The following YTHDC2 variants were observed in gnomAD, a reference collection of about 807,000 sequenced individuals.
YTHDC2 encodes YTH N6-methyladenosine RNA binding protein C2.
A neutral mutation model predicts 174.9 loss-of-function variants in YTHDC2; 45 were observed. The observed-to-expected ratio is 0.26, with a 90% CI of 0.20 to 0.33. The LOEUF (loss-of-function observed/expected upper bound fraction) is 0.33, where lower values mean the gene tolerates loss of function less well. Among genes scored for constraint, YTHDC2 ranks in the 10% least tolerant of loss-of-function variants. The probability of loss-of-function intolerance (pLI) is 1.00; values close to 1 mark genes in which losing one functional copy is unlikely to be tolerated. For missense variants in YTHDC2, 1,650 were observed against 1,723.7 expected (o/e 0.96, Z 0.76); for synonymous variants, 657 against 574.5 (o/e 1.14, Z -2.05).
At position 113,525,016 on chromosome 5, in the gene YTHDC2, A is replaced by C; in HGVS notation, c.314A>C (p.Lys105Thr). 2 of 1,608,314 alleles carry C rather than the reference A, an allele frequency of 1.2e-6. No homozygotes were observed. The highest frequency in any genetic ancestry group is 1.7e-6 in the Non-Finnish European group (2 of 1,178,114). Residue 105 changes from lysine (K) to threonine (T), a missense_variant, in exon 3 of 30, where the codon AAA (lysine) becomes ACA (threonine). This residue lies in a region of YTHDC2 where 304 missense variants were observed against 341.4 expected (regional missense o/e 0.89). Transcript: ENST00000161863. ...GANRYLTVKK[K>T]DGSETAHAMM... ...AATAGATACCTAACTGTGAAGAAGA[A>C]AGATGGATCAGAAACAGCTCATGCA...
intron 16 of YTHDC2, among the ~76,000 whole-genome samples, chr5:113,555,443 C>G (rs543632329): frequency 1.3e-5 from 2 of 152,192 alleles, no homozygotes; most frequent in East Asian, 3.9e-4. Context: ...AAATATTTCT[C>G]TACAATAAAT....
chr5:113,548,872 CAG>C, intron 11 of YTHDC2, 81 bp from the exon 12 acceptor site: 1 of 1,323,062 alleles, frequency 7.6e-7, no homozygotes, highest in Non-Finnish European at 1.0e-6. Context: ...TTTGAAAAGA[CAG>C]GGTCTTGATG....
Position 113,540,986 on chromosome 5 carries a change from C to T in YTHDC2, c.1229C>T (p.Thr410Ile), listed in dbSNP as rs372330082. 3 of 1,612,960 alleles carry T rather than the reference C, an allele frequency of 1.9e-6. No individual in the cohort carries two copies. ...EKQQEEKQQT[T>I]LTEWYSAQEN... is the part of the protein sequence containing the mutation. The stretch of plus-strand genomic sequence containing the variant: ...AATTTAGAAGAGAAACAACAAACCA[C>T]ACTTACAGAATGGTACTCAGCTCAA... The change falls in exon 9 of 30, where the codon ACA becomes ATA. Residue 410 changes from threonine (T) to isoleucine (I), a missense_variant. Coordinates refer to ENST00000161863, the MANE Select transcript of YTHDC2 (RefSeq NM_022828.5).
intron 6 of YTHDC2, among the ~76,000 whole-genome samples, chr5:113,535,105 G>T (rs981311785): frequency 3.3e-5 from 5 of 152,124 alleles, no homozygotes; most frequent in Non-Finnish European, 7.4e-5. Flanking sequence ...GGAAAAAAGG[G>T]CAATATAGAC....
chr5:113,550,002 G>A (rs1776139245), intron 12 of YTHDC2, among the ~76,000 whole-genome samples: 1 of 151,932 alleles, frequency 6.6e-6, no homozygotes, highest in Non-Finnish European at 1.5e-5. Context: ...TTCAGAGCAG[G>A]AAAATTGTAG....
chr5:113,517,105 T>A lies in YTHDC2; in HGVS notation c.278+1743T>A, dbSNP rs1360176301. Among the ~76,000 whole-genome samples, 3 of 152,350 alleles carry A rather than the reference T, an allele frequency of 2.0e-5. No homozygotes were observed. In the East Asian group the frequency reaches 5.8e-4, roughly 29 times the overall value. ...AAGGTATTTGGGTATATTTGCAATA[T>A]GTTGTATAATCTACCTAATAAAATA... On this transcript the variant is annotated intron_variant, in intron 2 of 29. Coordinates refer to ENST00000161863, the MANE Select transcript of YTHDC2 (RefSeq NM_022828.5).
Position 113,563,952 on chromosome 5 carries a change from T to G in YTHDC2, c.2536T>G (p.Leu846Val). Residue 846 changes from leucine (L) to valine (V), a missense_variant, in exon 20 of 30, where the codon TTG (leucine) becomes GTG (valine). Leu to Val is a conservative substitution (Grantham distance 32, BLOSUM62 1). Transcript: ENST00000161863. ...PVEPHLGKMVLCAVVLKCLDP... is the reference protein window; with the variant it reads ...PVEPHLGKMVVCAVVLKCLDP... ...AGAACCACATCTTGGTAAAATGGTC[T>G]TGTGTGCTGTTGTTTTAAAGTGTCT... The G allele has an allele frequency of 1.2e-6, 2 of 1,614,180 alleles. No homozygotes were observed. The highest frequency in any genetic ancestry group is 1.6e-4 in the Middle Eastern group (1 of 6,062).
intron 20 of YTHDC2, among the ~76,000 whole-genome samples, chr5:113,565,511 A>T (rs1267995552): frequency 6.6e-6 from 1 of 152,212 alleles, no homozygotes; most frequent in East Asian, 1.9e-4. Flanking sequence ...TCCAGGGTTG[A>T]CATAGAGATT....
Position 113,587,831 on chromosome 5 carries a change from A to T in YTHDC2, c.3826-3210A>T, listed in dbSNP as rs137968219. 1.7e-3 allele frequency among the ~76,000 whole-genome samples: 251 copies of T among 151,760 alleles called. 1 individual carries two copies. Among genetic ancestry groups the T allele is most frequent in the African/African-American group, 5.7e-3 (236 of 41,484 alleles). On this transcript the variant is annotated intron_variant, in intron 26 of 29. Transcript: ENST00000161863. ...GGTATTTTGAGTGGAATTGCATTGA[A>T]TCTATAGATCAATTTAAAGAAAATC... is the stretch of plus-strand genomic sequence containing the variant.
At chr5:113,581,798 T>TA (rs1415966754) in intron 25 of YTHDC2, 89 bp downstream of exon 25, 2 of 1,139,652 alleles carry the variant, frequency 1.8e-6, no homozygotes, top group African/African-American at 3.2e-5. Context: ...TTATAATATT[T>TA]AAAAATTACT....
chr5:113,579,006 T>C (rs763325470), intron 23 of YTHDC2, among the ~76,000 whole-genome samples: 21 of 152,100 alleles, frequency 1.4e-4, no homozygotes, highest in Admixed American at 5.2e-4. Flanking sequence ...ATTTTGTAGA[T>C]AGATTTTTGC....
At chr5:113,528,588 AGCCTCCACCTCCTGAGCTCCAG>A (rs139134245) in intron 4 of YTHDC2, among the ~76,000 whole-genome samples, 48,834 of 151,418 alleles carry the variant, frequency 0.32, 9,824 homozygotes, top group African/African-American at 0.56. Context: ...AATGGCGTGC[AGCCTCCACCTCCTGAGCTCCAG>A]CAATTCTCCT....
chr5:113,537,699 TA>T (rs1775179810), intron 7 of YTHDC2, among the ~76,000 whole-genome samples: 1 of 152,128 alleles, frequency 6.6e-6, no homozygotes, highest in South Asian at 2.1e-4. Flanking sequence ...TTTTCTTTTA[TA>T]CTGATGACTT....
intron 25 of YTHDC2, chr5:113,582,033 T>A (rs1374452524): frequency 1.2e-5 from 2 of 169,028 alleles, no homozygotes; most frequent in Non-Finnish European, 2.5e-5. Context: ...GTATTTTACT[T>A]GATATATGTG....
chr5:113,589,408 A>AAAAAATATATATATATATATATAT (rs368975720), intron 26 of YTHDC2, among the ~76,000 whole-genome samples: 1 of 123,260 alleles, frequency 8.1e-6, no homozygotes, highest in African/African-American at 3.4e-5. Context: ...AAAAAAAAAA[A>AAAAAATATATATATATATATATAT]ATATATATAT....
At chr5:113,557,915 C>T (rs1776722450) in intron 17 of YTHDC2, among the ~76,000 whole-genome samples, 1 of 152,158 alleles carries the variant, frequency 6.6e-6, no homozygotes. Flanking sequence ...GCACATGTTA[C>T]GGATAGTGAT....
At chr5:113,580,794 C>G (rs1304286784) in intron 24 of YTHDC2, among the ~76,000 whole-genome samples, 1 of 152,118 alleles carries the variant, frequency 6.6e-6, no homozygotes, top group Non-Finnish European at 1.5e-5. Context: ...TACTCCTGCC[C>G]CAAATTCTTT....
At chr5:113,526,301 A>G (rs975023985) in intron 3 of YTHDC2, among the ~76,000 whole-genome samples, 2 of 148,546 alleles carry the variant, frequency 1.3e-5, no homozygotes, top group East Asian at 3.9e-4. Context: ...ATTTTTATCA[A>G]TTTTTAAACA....
intron 29 of YTHDC2, 35 bp downstream of exon 29, chr5:113,593,425 T>C: frequency 6.7e-7 from 1 of 1,487,986 alleles, no homozygotes; most frequent in Non-Finnish European, 9.3e-7. Context: ...TTGGCAGTAT[T>C]TGTGATCATT....
Sources: gnomAD v4.1 joint callset for allele counts (sites outside exome capture counted in the v4.1 genomes callset) on GRCh38, gnomAD v4.1.1 for gene constraint, gnomAD v4.1.1 regional missense constraint, MANE v1.5 for transcripts, NCBI Gene and HGNC (gene_info 2026-07-23, HGNC 2026-07-21) for gene names.